PTPRF: variants seen among roughly 807,000 people sequenced by gnomAD.
The protein encoded by PTPRF is receptor-type tyrosine-protein phosphatase F.
In PTPRF, 59 loss-of-function variants were observed where a neutral mutation model predicts 201.8. That is an observed-to-expected ratio of 0.29 (90% CI 0.24 to 0.36). The LOEUF is 0.36. Ranked by LOEUF, PTPRF falls within the 10% of genes least tolerant of loss-of-function variation. The pLI, the probability that PTPRF is intolerant of heterozygous loss-of-function variation, is 1.00. For missense variants in PTPRF, 2,132 were observed against 2,690.5 expected, an observed-to-expected ratio of 0.79 and a Z score of 4.59; for synonymous variants, 1,088 against 1,089.7, an observed-to-expected ratio of 1.00 and a Z score of 0.03.
intron 2 of PTPRF, among the ~76,000 whole-genome samples, chr1:43,544,009 T>C (rs776809167): frequency 4.5e-4 from 68 of 152,180 alleles, no homozygotes; most frequent in Non-Finnish European, 3.7e-4. Context: ...CAGGGAGTGA[T>C]AGCAGCGTAT....
rs1480759293 is a variant in PTPRF, at chr1:43,623,553, G to A, written c.*1550G>A. The A allele has an allele frequency of 6.6e-6, 1 of 152,640 alleles. No individual in the cohort carries two copies. Among genetic ancestry groups the A allele is most frequent in the South Asian group, 2.1e-4 (1 of 4,830 alleles). The allele number at this position is 152,640 out of a possible 1,614,324, so 9.5% of individuals were successfully genotyped here. On this transcript the variant is annotated 3_prime_UTR_variant, in exon 34 of 34. Coordinates refer to ENST00000359947, the MANE Select transcript of PTPRF (RefSeq NM_002840.5). ...ATTCATTTTTACCTTGTGGATGCTAGTGCTGTAGAGTTCACTGTTGTACAC... is the reference window on the plus strand; with the variant it reads ...ATTCATTTTTACCTTGTGGATGCTAATGCTGTAGAGTTCACTGTTGTACAC...
chr1:43,581,029 C>T (rs558724361), intron 7 of PTPRF, among the ~76,000 whole-genome samples: 1 of 152,386 alleles, frequency 6.6e-6, no homozygotes, highest in South Asian at 2.1e-4. Context: ...GGCCCCAGCC[C>T]TGGAGGCAGA....
intron 5 of PTPRF, among the ~76,000 whole-genome samples, chr1:43,565,180 G>C (rs1285942840): frequency 6.6e-6 from 1 of 152,156 alleles, no homozygotes; most frequent in Non-Finnish European, 1.5e-5. Context: ...AAGATAGCAA[G>C]TGAGCTGTGG....
chr1:43,524,526 G>T (rs904090345), upstream of PTPRF, among the ~76,000 whole-genome samples: 1 of 152,134 alleles, frequency 6.6e-6, no homozygotes, highest in Non-Finnish European at 1.5e-5. Flanking sequence ...TAAAGTTGAT[G>T]GAGAAATGGA....
intron 6 of PTPRF, 23 bp downstream of exon 6, chr1:43,569,801 G>A (rs943513): frequency 0.35 from 559,889 of 1,588,360 alleles, 101,702 homozygotes; most frequent in Non-Finnish European, 0.38. Context: ...CAGGGGTCAA[G>A]GGGCCATGCA....
At chr1:43,559,910 C>T (rs1306762760) in intron 5 of PTPRF, among the ~76,000 whole-genome samples, 13 of 119,036 alleles carry the variant, frequency 1.1e-4, no homozygotes, top group Admixed American at 1.7e-4. Flanking sequence ...TGTGTGTGCG[C>T]GCGTGTGTAC....
chr1:43,564,378 C>A (rs749041913), intron 5 of PTPRF, among the ~76,000 whole-genome samples: 1 of 152,142 alleles, frequency 6.6e-6, no homozygotes, highest in Non-Finnish European at 1.5e-5. Context: ...TACGAGGTTC[C>A]TTCATGTGTC....
intron 5 of PTPRF, among the ~76,000 whole-genome samples, chr1:43,557,929 G>A (rs1645507122): frequency 6.6e-6 from 1 of 152,304 alleles, no homozygotes; most frequent in African/African-American, 2.4e-5. Flanking sequence ...GCCGCAGGAG[G>A]GCCAGAGGGA....
chr1:43,559,652 GGTGT>G (rs1170298106), intron 5 of PTPRF, among the ~76,000 whole-genome samples: 2 of 150,766 alleles, frequency 1.3e-5, no homozygotes, highest in Non-Finnish European at 3.0e-5. Flanking sequence ...GGCGGGGTGT[GGTGT>G]GTGTTTATGT....
chr1:43,559,591 T>A (rs1391259826), intron 5 of PTPRF, among the ~76,000 whole-genome samples: 1 of 144,104 alleles, frequency 6.9e-6, no homozygotes, highest in East Asian at 2.1e-4. Flanking sequence ...GCAGCAGGCG[T>A]GTGTGTGTGT....
At position 43,545,174 on chromosome 1, in the gene PTPRF, T is replaced by C; in HGVS notation, c.91+8T>C. 1 of 1,568,812 alleles carries C rather than the reference T, an allele frequency of 6.4e-7. No homozygotes were observed. Among genetic ancestry groups the C allele is most frequent in the Non-Finnish European group, 8.6e-7 (1 of 1,156,362 alleles). Reference sequence around the variant, plus strand: ...CAGGCGCCCATGGTGACAGTAAGTCTGACCCCTCAAGGTACAGATCTCCCA... The same window carrying C: ...CAGGCGCCCATGGTGACAGTAAGTCCGACCCCTCAAGGTACAGATCTCCCA... On this transcript the variant is annotated splice_region_variant and intron_variant, in intron 3 of 33. Transcript: ENST00000359947.
intron 21 of PTPRF, among the ~76,000 whole-genome samples, chr1:43,608,363 C>T (rs1335535183): frequency 6.6e-6 from 1 of 152,190 alleles, no homozygotes; most frequent in Non-Finnish European, 1.5e-5. Context: ...TCTCTTCACA[C>T]ACCTCCCCCT....
At chr1:43,613,490 A>G (rs1557857859) in intron 22 of PTPRF, 128 bp from the exon 23 acceptor site, 1 of 781,562 alleles carries the variant, frequency 1.3e-6, no homozygotes, top group Non-Finnish European at 2.3e-6. Context: ...TGCTGTCTCC[A>G]TGCCACCAGT....
Position 43,622,740 on chromosome 1 carries a change from T to A in PTPRF, c.*737T>A, listed in dbSNP as rs1252348915. The A allele has an allele frequency of 2.0e-5, 3 of 152,620 alleles. No individual in the cohort carries two copies. The highest frequency in any genetic ancestry group is 4.4e-5 in the Non-Finnish European group (3 of 68,050). 9.5% of individuals were successfully genotyped at this position (152,620 alleles called of 1,614,324 possible). A position where few individuals can be genotyped will look rare whatever the true frequency, so the allele number is the denominator to read the frequency against. ...GAAGATAGGGAACACTCATCCCTGG[T>A]CGTCTATCCCAGTGTGTGTTTAACA... is the stretch of plus-strand genomic sequence containing the variant. On this transcript the variant is annotated 3_prime_UTR_variant, in exon 34 of 34. Transcript: ENST00000359947.
chr1:43,539,115 A>C (rs1369296052), intron 2 of PTPRF, among the ~76,000 whole-genome samples: 4 of 152,202 alleles, frequency 2.6e-5, no homozygotes, highest in Admixed American at 6.5e-5. Flanking sequence ...GAAAGGTGGC[A>C]CTGGTCTGTG....
chr1:43,537,016 G>GT lies in PTPRF; in HGVS notation c.-125-1179dup, dbSNP rs1248089060. On this transcript the variant is annotated intron_variant, in intron 1 of 33. Transcript: ENST00000359947. The surrounding 1 kb of genome is among the most constrained non-coding windows in gnomAD (Gnocchi z 4.8). ...TCCCACGCACCACCCTCCCACTGTGGTTTCTTTGTGTCCGTTATAGGAGGA... is the reference window on the plus strand; with the variant it reads ...TCCCACGCACCACCCTCCCACTGTGGTTTTCTTTGTGTCCGTTATAGGAGGA... Among the ~76,000 whole-genome samples the GT allele has an allele frequency of 6.6e-6, 1 of 152,200 alleles. No homozygotes were observed. Among genetic ancestry groups the GT allele is most frequent in the Non-Finnish European group, 1.5e-5 (1 of 68,036 alleles).
chr1:43,597,413 T>C (rs1007038024), intron 11 of PTPRF, among the ~76,000 whole-genome samples: 1 of 152,106 alleles, frequency 6.6e-6, no homozygotes, highest in African/African-American at 2.4e-5. Context: ...ACACCCTGTG[T>C]GTGTGACACA....
In PTPRF at chr1:43,609,422, G is replaced by A. The variant is rs774493017; in HGVS notation, c.3897G>A (p.Ser1299=). ...THSPSSKDEQ[S]IGLKDSLLAH... ...CTCCGTCCTCTAAGGATGAGCAGTC[G>A]ATCGGACTGAAGGACTCCTTGCTGG... Residue 1299 remains serine (S), a synonymous_variant, in exon 22 of 34, where the codon TCG becomes TCA. Coordinates refer to ENST00000359947, the MANE Select transcript of PTPRF (RefSeq NM_002840.5). The A allele has an allele frequency of 1.5e-5, 25 of 1,613,932 alleles. No homozygotes were observed. The highest frequency in any genetic ancestry group is 4.0e-5 in the African/African-American group (3 of 74,898).
At chr1:43,544,804 G>A (rs1480675134) in intron 2 of PTPRF, among the ~76,000 whole-genome samples, 2 of 152,010 alleles carry the variant, frequency 1.3e-5, no homozygotes, top group African/African-American at 2.4e-5. Context: ...TCCCTCCACC[G>A]TGACTGTTGG....
Sources: allele counts gnomAD v4.1 joint callset (sites outside exome capture counted in the v4.1 genomes callset), GRCh38; gene constraint gnomAD v4.1.1; non-coding constraint Gnocchi (gnomAD v3.1); transcripts MANE v1.5; gene names NCBI Gene and HGNC (gene_info 2026-07-23, HGNC 2026-07-21).